Variants in SRPK2 observed in about 807,000 individuals in gnomAD.
The protein encoded by SRPK2 is SRSF protein kinase 2.
A neutral mutation model predicts 90.8 loss-of-function variants in SRPK2; 21 were observed. The observed-to-expected ratio is 0.23, with a 90% CI of 0.16 to 0.33. SRPK2 has a LOEUF of 0.33. Among genes scored for constraint, SRPK2 ranks in the 10% least tolerant of loss-of-function variants. The probability of loss-of-function intolerance (pLI) is 1.00; values close to 1 mark genes in which losing one functional copy is unlikely to be tolerated. For missense variants in SRPK2, 620 were observed against 869.0 expected (o/e 0.71, Z 3.60); for synonymous variants, 288 against 311.1 (o/e 0.93, Z 0.78).
intron 2 of SRPK2, among the ~76,000 whole-genome samples, chr7:105,247,543 C>CATAA (rs903961573): frequency 2.0e-5 from 3 of 150,966 alleles, no homozygotes; most frequent in Admixed American, 1.3e-4. Context: ...CACACACACA[C>CATAA]ACACACACAC....
intron 2 of SRPK2, among the ~76,000 whole-genome samples, chr7:105,325,493 A>AAG (rs1813462231): frequency 1.3e-5 from 2 of 150,638 alleles, no homozygotes; most frequent in African/African-American, 4.9e-5. Flanking sequence ...CTTCAAAAAA[A>AAG]AAAAAAAAAA....
Position 105,334,559 on chromosome 7 carries a change from T to C in SRPK2, c.71+54089A>G, listed in dbSNP as rs188651137. Among the ~76,000 whole-genome samples, 350 of 151,954 alleles carry C rather than the reference T, an allele frequency of 2.3e-3. 11 individuals are homozygous for C. The highest frequency in any genetic ancestry group is 3.8e-4 in the Non-Finnish European group (26 of 67,962). ...TATTAAAATACGTATACAGTTTGGC[T>C]GGGCACGGTGGCTCACATCTGTAAT... On this transcript the variant is annotated intron_variant, in intron 2 of 15. Coordinates refer to ENST00000393651, the MANE Select transcript of SRPK2 (RefSeq NM_182692.3).
At chr7:105,291,406 C>T (rs1212918483) in intron 2 of SRPK2, among the ~76,000 whole-genome samples, 1 of 151,966 alleles carries the variant, frequency 6.6e-6, no homozygotes, top group African/African-American at 2.4e-5. Flanking sequence ...GAGGGAAGGC[C>T]GGACACAGTG....
chr7:105,304,634 GTCTTAACTGTTCATT>G (rs1024593311), intron 2 of SRPK2, among the ~76,000 whole-genome samples: 5 of 152,138 alleles, frequency 3.3e-5, no homozygotes, highest in Non-Finnish European at 7.4e-5. Flanking sequence ...CCCTGATTTT[GTCTTAACTGTTCATT>G]TCCCATTAGA....
At chr7:105,346,151 A>G (rs1478735568) in intron 2 of SRPK2, among the ~76,000 whole-genome samples, 1 of 152,254 alleles carries the variant, frequency 6.6e-6, no homozygotes, top group Non-Finnish European at 1.5e-5. Context: ...TTTCTAATCC[A>G]GCAAAATAAT....
At chr7:105,149,113 A>C (rs1010988143) in intron 7 of SRPK2, among the ~76,000 whole-genome samples, 10 of 152,166 alleles carry the variant, frequency 6.6e-5, no homozygotes, top group East Asian at 3.9e-4. Flanking sequence ...ATGGATTAGT[A>C]AAAGAGGAAA....
At chr7:105,369,169 T>TA (rs1238143365) in intron 2 of SRPK2, among the ~76,000 whole-genome samples, 1 of 149,200 alleles carries the variant, frequency 6.7e-6, no homozygotes, top group Non-Finnish European at 1.5e-5. Flanking sequence ...TTATTCGAGA[T>TA]AGAGTCTCAC....
chr7:105,305,094 T>C (rs1810996474), intron 2 of SRPK2, among the ~76,000 whole-genome samples: 1 of 152,214 alleles, frequency 6.6e-6, no homozygotes, highest in African/African-American at 2.4e-5. Context: ...GTTTCCATGT[T>C]TTCTGGGATT....
chr7:105,292,966 A>G (rs1384081994), intron 2 of SRPK2, among the ~76,000 whole-genome samples: 1 of 152,160 alleles, frequency 6.6e-6, no homozygotes, highest in East Asian at 1.9e-4. Context: ...CTACAACTGT[A>G]GCTTCCAAGT....
chr7:105,186,044 T>A (rs1793537705), intron 3 of SRPK2, among the ~76,000 whole-genome samples: 1 of 152,248 alleles, frequency 6.6e-6, no homozygotes, highest in Non-Finnish European at 1.5e-5. Context: ...GACGAATATG[T>A]CTTTATCAGT....
At chr7:105,277,997 A>G (rs966138174) in intron 2 of SRPK2, among the ~76,000 whole-genome samples, 1 of 152,238 alleles carries the variant, frequency 6.6e-6, no homozygotes, top group East Asian at 1.9e-4. Context: ...AACAAGGACA[A>G]TAACATGCTA....
At chr7:105,146,391 TCTTC>T (rs1804632559) in intron 8 of SRPK2, 98 bp downstream of exon 8, 1 of 1,246,628 alleles carries the variant, frequency 8.0e-7, no homozygotes. Flanking sequence ...TTTTCCAAAA[TCTTC>T]CTTATGTGTA....
At chr7:105,162,935 T>C (rs1807902700) in intron 6 of SRPK2, among the ~76,000 whole-genome samples, 1 of 152,232 alleles carries the variant, frequency 6.6e-6, no homozygotes, top group African/African-American at 2.4e-5. Context: ...ACCTTGCAAG[T>C]CGGACACAGA....
intron 2 of SRPK2, among the ~76,000 whole-genome samples, chr7:105,272,078 GATTTTAAAATGACTCTCTTGTC>G (rs1805906698): frequency 6.6e-6 from 1 of 152,108 alleles, no homozygotes; most frequent in Non-Finnish European, 1.5e-5. Flanking sequence ...TTACAAGTCA[GATTTTAAAATGACTCTCTTGTC>G]ATTTTAAAAT....
intron 13 of SRPK2, among the ~76,000 whole-genome samples, chr7:105,127,312 G>A (rs946088873): frequency 1.3e-5 from 2 of 152,126 alleles, no homozygotes; most frequent in Admixed American, 6.5e-5. Context: ...AAACCAAAAC[G>A]TCAGTGAGTC....
intron 2 of SRPK2, among the ~76,000 whole-genome samples, chr7:105,239,687 A>G (rs763157700): frequency 6.6e-6 from 1 of 152,252 alleles, no homozygotes; most frequent in Non-Finnish European, 1.5e-5. Context: ...TGACTTAAAA[A>G]TAATACTCCA....
intron 3 of SRPK2, among the ~76,000 whole-genome samples, chr7:105,192,755 T>C (rs1353575387): frequency 6.6e-6 from 1 of 152,228 alleles, no homozygotes; most frequent in African/African-American, 2.4e-5. Context: ...AGGAGTAAAG[T>C]GGTATTGCAT....
chr7:105,227,459 C>A (rs190911183), intron 2 of SRPK2, among the ~76,000 whole-genome samples: 1 of 152,066 alleles, frequency 6.6e-6, no homozygotes, highest in Non-Finnish European at 1.5e-5. Context: ...ATACAAGTAG[C>A]CAAAAAGCAC....
chr7:105,388,708 G>A lies in SRPK2; in HGVS notation c.17-6C>T, dbSNP rs778376888. 1 of 1,580,750 alleles carries A rather than the reference G, an allele frequency of 6.3e-7. No homozygotes were observed. The highest frequency in any genetic ancestry group is 2.4e-5 in the East Asian group (1 of 41,982). ...TCGGGCCTGAATGGCCAGCACTGGG[G>A]AAGAGAAGACACACATTAACGGTCG... On this transcript the variant is annotated splice_polypyrimidine_tract_variant and splice_region_variant and intron_variant, in intron 1 of 15. Transcript: ENST00000393651.
Sources: gnomAD v4.1 joint callset for allele counts (sites outside exome capture counted in the v4.1 genomes callset) on GRCh38, gnomAD v4.1.1 for gene constraint, MANE v1.5 for transcripts, NCBI Gene and HGNC (gene_info 2026-07-23, HGNC 2026-07-21) for gene names.